CAAP1: variants seen among roughly 807,000 people sequenced by gnomAD.
The protein encoded by CAAP1 is conserved anti-apoptotic protein.
In CAAP1, 20 loss-of-function variants were observed where a neutral mutation model predicts 34.0. That is an observed-to-expected ratio of 0.59 (90% CI 0.41 to 0.86). CAAP1 has a LOEUF of 0.86. Ranked by LOEUF, CAAP1 falls within the 40% of genes least tolerant of loss-of-function variation. The probability of loss-of-function intolerance (pLI) is 0.00; values close to 1 mark genes in which losing one functional copy is unlikely to be tolerated. For synonymous variants in CAAP1, 213 were observed against 166.7 expected (o/e 1.28, Z -2.14); for missense variants, 538 against 450.5 (o/e 1.19, Z -1.76).
intron 5 of CAAP1, among the ~76,000 whole-genome samples, chr9:26,846,529 TCTA>T (rs1175124098): frequency 6.6e-6 from 1 of 151,784 alleles, no homozygotes; most frequent in Non-Finnish European, 1.5e-5. Context: ...TTTGATCCTG[TCTA>T]CTTATATTTT....
intron 4 of CAAP1, chr9:26,880,099 G>C (rs889493605): frequency 5.7e-6 from 1 of 176,432 alleles, no homozygotes; most frequent in South Asian, 1.0e-4. Flanking sequence ...AAATCCGGGG[G>C]GGGGGGGTCT....
intron 4 of CAAP1, among the ~76,000 whole-genome samples, chr9:26,877,206 T>G (rs887782625): frequency 6.6e-6 from 1 of 152,194 alleles, no homozygotes; most frequent in African/African-American, 2.4e-5. Context: ...TGTATCAAGA[T>G]GTATATGAAA....
rs1171628621 is a variant in CAAP1, at chr9:26,847,198, ATTTTTTTTTTTT to A, written c.740-4563_740-4552del. ...TTTTTACTAGTAAGTAAAAAGCAAT[ATTTTTTTTTTTT>A]TTTTTTTTTTTTTTTTTTTTTTGAC... On this transcript the variant is annotated intron_variant, in intron 5 of 5. Transcript: ENST00000333916. 3.0e-3 allele frequency among the ~76,000 whole-genome samples: 105 copies of A among 34,748 alleles called. 1 individual carries two copies. The South Asian group carries it at 0.085, about 28-fold the overall frequency. The allele number at this position is 34,748 out of a possible 152,430, so 22.8% of individuals were successfully genotyped here.
chr9:26,847,197 T>TA, intron 5 of CAAP1, among the ~76,000 whole-genome samples: 1 of 91,342 alleles, frequency 1.1e-5, no homozygotes, highest in African/African-American at 4.3e-5. Flanking sequence ...TAAAAAGCAA[T>TA]ATTTTTTTTT....
chr9:26,877,412 T>G (rs899922276), intron 4 of CAAP1, among the ~76,000 whole-genome samples: 3 of 152,206 alleles, frequency 2.0e-5, no homozygotes, highest in Admixed American at 2.0e-4. Context: ...ACAAATCACC[T>G]AACTATACAT....
At chr9:26,885,311 G>C (rs902888792) in intron 3 of CAAP1, among the ~76,000 whole-genome samples, 3 of 151,982 alleles carry the variant, frequency 2.0e-5, no homozygotes, top group African/African-American at 7.2e-5. Context: ...TCCTGACCTT[G>C]TGATCCGCCC....
chr9:26,875,595 A>AT (rs1271317386), intron 4 of CAAP1, among the ~76,000 whole-genome samples: 2 of 152,242 alleles, frequency 1.3e-5, no homozygotes, highest in South Asian at 2.1e-4. Context: ...ACAAACTGAT[A>AT]TAATTGTTTC....
chr9:26,880,180 CT>C, intron 4 of CAAP1: 1 of 300,144 alleles, frequency 3.3e-6, no homozygotes, highest in Non-Finnish European at 6.5e-6. Flanking sequence ...CACGGGGTGT[CT>C]TTTGGCATAA....
intron 5 of CAAP1, among the ~76,000 whole-genome samples, chr9:26,847,198 A>ATTTT (rs1171628621): frequency 0.048 from 1,681 of 34,704 alleles, 544 homozygotes; most frequent in Non-Finnish European, 0.055. Flanking sequence ...AAAAAGCAAT[A>ATTTT]TTTTTTTTTT....
chr9:26,841,230 A>G lies in CAAP1; in HGVS notation c.*1071T>C, dbSNP rs191259122. The stretch of plus-strand genomic sequence containing the variant: ...ATATACTGTATTTGTTATCAAATAT[A>G]GAAACAACAGTTCCAGATTTATGTT... On this transcript the variant is annotated 3_prime_UTR_variant, in exon 6 of 6. Coordinates refer to ENST00000333916, the MANE Select transcript of CAAP1 (RefSeq NM_024828.4). The G allele has an allele frequency of 4.3e-4, 66 of 152,558 alleles. No individual in the cohort carries two copies. In the East Asian group the frequency reaches 0.011, roughly 26 times the overall value. The allele number at this position is 152,558 out of a possible 1,614,324, so 9.5% of individuals were successfully genotyped here. A position where few individuals can be genotyped will look rare whatever the true frequency, so the allele number is the denominator to read the frequency against.
At chr9:26,886,397 T>C (rs535385547) in intron 2 of CAAP1, among the ~76,000 whole-genome samples, 6 of 152,310 alleles carry the variant, frequency 3.9e-5, no homozygotes, top group African/African-American at 1.4e-4. Context: ...AGGGAATGCA[T>C]AAACTTGTAT....
chr9:26,851,611 T>G (rs936091175), intron 5 of CAAP1, among the ~76,000 whole-genome samples: 1 of 152,198 alleles, frequency 6.6e-6, no homozygotes, highest in Non-Finnish European at 1.5e-5. Context: ...GACTATAATC[T>G]TTTGTTGAGT....
chr9:26,865,343 G>A (rs558986555), intron 4 of CAAP1, among the ~76,000 whole-genome samples: 3 of 152,176 alleles, frequency 2.0e-5, no homozygotes, highest in East Asian at 3.9e-4. Flanking sequence ...GACCAACATG[G>A]AGAAACCCCA....
rs3063606 is a variant in CAAP1, at chr9:26,880,094, C to CGG, written c.665+4714_665+4715dup. ...AACTACCAATAATAGGAAAAAAATCCGGGGGGGGGGGGTCTCTTTTAGAGA... is the reference window on the plus strand; with the variant it reads ...AACTACCAATAATAGGAAAAAAATCCGGGGGGGGGGGGGGTCTCTTTTAGAGA... On this transcript the variant is annotated intron_variant, in intron 4 of 5. Coordinates refer to ENST00000333916, the MANE Select transcript of CAAP1 (RefSeq NM_024828.4). 2.7e-3 allele frequency: 400 copies of CGG among 149,270 alleles called. 5 individuals are homozygous for CGG. The highest frequency in any genetic ancestry group is 0.011 in the African/African-American group (370 of 34,082). The allele number at this position is 149,270 out of a possible 1,614,324, so 9.2% of individuals were successfully genotyped here.
intron 4 of CAAP1, among the ~76,000 whole-genome samples, chr9:26,877,985 A>G (rs1311099492): frequency 6.6e-6 from 1 of 151,978 alleles, no homozygotes; most frequent in Non-Finnish European, 1.5e-5. Context: ...CTTATTATAC[A>G]TGAGGATGAT....
intron 1 of CAAP1, among the ~76,000 whole-genome samples, chr9:26,889,427 A>G (rs959326276): frequency 1.3e-5 from 2 of 152,028 alleles, no homozygotes; most frequent in Non-Finnish European, 2.9e-5. Context: ...TCAAAAAAAC[A>G]AAAACAAAAA....
At chr9:26,880,894 T>G (rs574523157) in intron 4 of CAAP1, among the ~76,000 whole-genome samples, 55 of 152,272 alleles carry the variant, frequency 3.6e-4, no homozygotes, top group African/African-American at 1.3e-3. Flanking sequence ...CACGCTGGTC[T>G]CAAACTCCTG....
intron 4 of CAAP1, chr9:26,880,349 G>A: frequency 3.2e-6 from 1 of 309,646 alleles, no homozygotes; most frequent in East Asian, 1.1e-4. Context: ...GACCGTGGAA[G>A]GGAAGTGTGT....
In CAAP1 at chr9:26,847,512, C is replaced by T. The variant is rs572564358; in HGVS notation, c.740-4865G>A. ...TACAGGAGTGAGCCACCGTGCCCGGCCAAAAGCACTATTTTTTTAATTTAC... is the reference window on the plus strand; with the variant it reads ...TACAGGAGTGAGCCACCGTGCCCGGTCAAAAGCACTATTTTTTTAATTTAC... On this transcript the variant is annotated intron_variant, in intron 5 of 5. Transcript: ENST00000333916. Among the ~76,000 whole-genome samples the T allele has an allele frequency of 1.3e-4, 20 of 152,016 alleles. No individual in the cohort carries two copies. In the East Asian group the frequency reaches 3.7e-3, roughly 28 times the overall value.
Sources: gnomAD v4.1 joint callset for allele counts (sites outside exome capture counted in the v4.1 genomes callset) on GRCh38, gnomAD v4.1.1 for gene constraint, MANE v1.5 for transcripts, NCBI Gene and HGNC (gene_info 2026-07-23, HGNC 2026-07-21) for gene names.